Variants in SMYD3 observed in about 807,000 individuals in gnomAD.
SMYD3 encodes the protein SET and MYND domain containing 3.
A neutral mutation model predicts 57.7 loss-of-function variants in SMYD3; 36 were observed. That is an observed-to-expected ratio of 0.62 (90% CI 0.48 to 0.82). The LOEUF is 0.82. SMYD3 is among the 40% of genes least tolerant of loss of function. The pLI, the probability that SMYD3 is intolerant of heterozygous loss-of-function variation, is 0.00. For synonymous variants in SMYD3, 211 were observed against 195.0 expected, an observed-to-expected ratio of 1.08 and a Z score of -0.68; for missense variants, 515 against 538.8, an observed-to-expected ratio of 0.96 and a Z score of 0.44.
chr1:245,826,097 G>A (rs1288821328), intron 10 of SMYD3, among the ~76,000 whole-genome samples: 2 of 150,698 alleles, frequency 1.3e-5, no homozygotes, highest in Non-Finnish European at 2.9e-5. Flanking sequence ...AGGTTTTAAG[G>A]TGTACAGTTC....
intron 10 of SMYD3, among the ~76,000 whole-genome samples, chr1:245,857,217 G>C (rs1180746618): frequency 1.3e-5 from 2 of 152,242 alleles, no homozygotes; most frequent in African/African-American, 4.8e-5. Flanking sequence ...GGTCAGGCTG[G>C]TGGCACTGGC....
chr1:245,776,744 A>G (rs1476989392), intron 10 of SMYD3, among the ~76,000 whole-genome samples: 1 of 152,218 alleles, frequency 6.6e-6, no homozygotes, highest in Non-Finnish European at 1.5e-5. Flanking sequence ...CAAAGAAAAA[A>G]TATAGCCTGT....
intron 1 of SMYD3, among the ~76,000 whole-genome samples, chr1:246,481,516 C>T (rs1437641060): frequency 6.8e-6 from 1 of 146,946 alleles, no homozygotes; most frequent in Non-Finnish European, 1.5e-5. Context: ...ATCAATCCTC[C>T]TGGTTCTCAG....
chr1:245,817,271 C>T (rs1490829650), intron 10 of SMYD3, among the ~76,000 whole-genome samples: 5 of 143,066 alleles, frequency 3.5e-5, no homozygotes, highest in African/African-American at 1.3e-4. Flanking sequence ...TGGGAGGCAC[C>T]CCCCAGCAGG....
intron 10 of SMYD3, among the ~76,000 whole-genome samples, chr1:245,775,324 G>C (rs914514954): frequency 6.6e-6 from 1 of 152,202 alleles, no homozygotes; most frequent in Non-Finnish European, 1.5e-5. Context: ...TGCTGTGTCT[G>C]TGTAGAAAGT....
At chr1:246,318,964 C>T (rs1017654226) in intron 5 of SMYD3, among the ~76,000 whole-genome samples, 5 of 152,076 alleles carry the variant, frequency 3.3e-5, no homozygotes, top group African/African-American at 1.2e-4. Flanking sequence ...CAAATGGCTA[C>T]GAATGAAGAA....
At chr1:246,249,516 TTTTG>T (rs200835740) in intron 5 of SMYD3, among the ~76,000 whole-genome samples, 2,598 of 137,248 alleles carry the variant, frequency 0.019, 161 homozygotes, top group Admixed American at 0.13. Flanking sequence ...GATCCTAGTT[TTTTG>T]TTTTTTTTGT....
At chr1:246,140,448 G>T (rs1271189088) in intron 5 of SMYD3, among the ~76,000 whole-genome samples, 1 of 152,194 alleles carries the variant, frequency 6.6e-6, no homozygotes, top group Non-Finnish European at 1.5e-5. Flanking sequence ...AGCACCAGTA[G>T]TATTAGTACC....
At chr1:245,856,027 G>A (rs57143859) in intron 10 of SMYD3, among the ~76,000 whole-genome samples, 9,193 of 152,260 alleles carry the variant, frequency 0.06, 909 homozygotes, top group African/African-American at 0.21. Flanking sequence ...GAGCCGATGC[G>A]GGGGGCTGAG....
At chr1:246,451,108 A>T (rs1476824849) in intron 1 of SMYD3, among the ~76,000 whole-genome samples, 2 of 152,232 alleles carry the variant, frequency 1.3e-5, no homozygotes, top group Non-Finnish European at 1.5e-5. Flanking sequence ...GGACAGACAC[A>T]GCTCTTGTCT....
At chr1:245,772,756 C>T (rs533710712) in intron 10 of SMYD3, among the ~76,000 whole-genome samples, 1 of 152,220 alleles carries the variant, frequency 6.6e-6, no homozygotes, top group Non-Finnish European at 1.5e-5. Context: ...TTATTAGAAT[C>T]TTTAATCAGA....
At chr1:246,281,711 A>G (rs1256451919) in intron 5 of SMYD3, among the ~76,000 whole-genome samples, 1 of 152,234 alleles carries the variant, frequency 6.6e-6, no homozygotes, top group Non-Finnish European at 1.5e-5. Context: ...CTATGGGCAT[A>G]ACCTATGCTT....
intron 10 of SMYD3, among the ~76,000 whole-genome samples, chr1:245,799,753 A>C (rs545398360): frequency 6.6e-6 from 1 of 152,242 alleles, no homozygotes; most frequent in Non-Finnish European, 1.5e-5. Context: ...GAGGCAGAGA[A>C]GCTTCCTGCA....
At chr1:245,766,999 C>T (rs1277759892) in intron 10 of SMYD3, among the ~76,000 whole-genome samples, 1 of 152,128 alleles carries the variant, frequency 6.6e-6, no homozygotes, top group African/African-American at 2.4e-5. Flanking sequence ...CTGGAGGCCT[C>T]CCAGCTGACA....
chr1:245,911,684 G>A (rs948853054), intron 8 of SMYD3, among the ~76,000 whole-genome samples: 2 of 151,902 alleles, frequency 1.3e-5, no homozygotes, highest in Non-Finnish European at 2.9e-5. Context: ...CTAAAAAGAA[G>A]GTGATTTTAT....
Position 245,857,365 on chromosome 1 carries a change from A to G in SMYD3, c.1076+1131T>C, listed in dbSNP as rs184601872. ...ATTTCTGGTTTACTACCTTTGTCCA[A>G]ACAAATATCCTAGACCCTGGACTCA... On this transcript the variant is annotated intron_variant, in intron 10 of 11. Transcript: ENST00000490107. Among the ~76,000 whole-genome samples the G allele has an allele frequency of 3.0e-4, 45 of 152,114 alleles. 1 individual carries two copies. Among genetic ancestry groups the G allele is most frequent in the Admixed American group, 2.6e-3 (40 of 15,304 alleles).
At chr1:246,377,743 T>C (rs1370622057) in intron 1 of SMYD3, among the ~76,000 whole-genome samples, 1 of 152,220 alleles carries the variant, frequency 6.6e-6, no homozygotes, top group Non-Finnish European at 1.5e-5. Flanking sequence ...CCCAGAGGCC[T>C]CCGGACTCCA....
chr1:246,486,180 C>T (rs1255651566), intron 1 of SMYD3, among the ~76,000 whole-genome samples: 3 of 151,978 alleles, frequency 2.0e-5, no homozygotes, highest in Non-Finnish European at 4.4e-5. Flanking sequence ...TGTTGTTAAC[C>T]CCATTTTACC....
At chr1:246,344,990 A>C (rs1173592823) in intron 2 of SMYD3, among the ~76,000 whole-genome samples, 1 of 152,170 alleles carries the variant, frequency 6.6e-6, no homozygotes, top group Non-Finnish European at 1.5e-5. Context: ...AGAAAGAGAA[A>C]AGGAGGGAAA....
Sources: allele counts gnomAD v4.1 joint callset (sites outside exome capture counted in the v4.1 genomes callset), GRCh38; gene constraint gnomAD v4.1.1; transcripts MANE v1.5; gene names NCBI Gene and HGNC (gene_info 2026-07-23, HGNC 2026-07-21).